Variants in BLTP3A observed in about 807,000 individuals in gnomAD.
The protein encoded by BLTP3A is bridge-like lipid transfer protein family member 3A, also known as ICBP90 binding protein 1.
chr6:34,859,470 C>T, the BLTP3A span: 2 of 1,614,148 alleles, frequency 1.2e-6, no homozygotes, highest in Non-Finnish European at 1.7e-6. Context: ...CCACCATGGA[C>T]CTCACCAAGG....
At chr6:34,855,621 C>G in the BLTP3A span, 1 of 1,613,434 alleles carries the variant, frequency 6.2e-7, no homozygotes, top group Non-Finnish European at 8.5e-7. Context: ...TTATAGGTGT[C>G]TCTGCCAACA....
the BLTP3A span, chr6:34,836,471 T>G: frequency 1.1e-6 from 1 of 879,994 alleles, no homozygotes; most frequent in African/African-American, 1.7e-5. Flanking sequence ...CTTCCCTTAA[T>G]CACAGGCATT....
At chr6:34,825,307 CT>C in the BLTP3A span, among the ~76,000 whole-genome samples, 645 of 148,168 alleles carry the variant, frequency 4.4e-3, 2 homozygotes, top group African/African-American at 0.014. Flanking sequence ...TTTCTTTTTT[CT>C]TTTTTTTTTC....
the BLTP3A span, chr6:34,859,052 A>G: frequency 6.2e-7 from 1 of 1,614,190 alleles, no homozygotes; most frequent in Admixed American, 1.7e-5. Flanking sequence ...GCAGGCTCAG[A>G]TAGCACTAGC....
At chr6:34,810,738 T>A in the BLTP3A span, among the ~76,000 whole-genome samples, 1 of 152,126 alleles carries the variant, frequency 6.6e-6, no homozygotes, top group East Asian at 1.9e-4. Context: ...CAAAGTGCTG[T>A]GAGTACAGGT....
At chr6:34,834,666 C>CTTCTTGGTTAAT in the BLTP3A span, 1 of 1,588,184 alleles carries the variant, frequency 6.3e-7, no homozygotes, top group Non-Finnish European at 8.6e-7. Context: ...GGACTTCTTG[C>CTTCTTGGTTAAT]TTCTTGGTTA....
chr6:34,826,026 A>ATTCTTTTT, the BLTP3A span, among the ~76,000 whole-genome samples: 5 of 76,646 alleles, frequency 6.5e-5, no homozygotes, highest in African/African-American at 7.4e-5. Context: ...TACATTTTGC[A>ATTCTTTTT]TTTTTTTTTT....
At chr6:34,869,812 T>C in the BLTP3A span, among the ~76,000 whole-genome samples, 1 of 151,950 alleles carries the variant, frequency 6.6e-6, no homozygotes, top group South Asian at 2.1e-4. Flanking sequence ...CCACCACGCC[T>C]GACTAATTTT....
the BLTP3A span, among the ~76,000 whole-genome samples, chr6:34,803,856 G>A: frequency 1.3e-5 from 2 of 151,924 alleles, no homozygotes; most frequent in Admixed American, 6.6e-5. Context: ...CATCTGTCTC[G>A]GTGCTTTCCT....
chr6:34,799,349 G>T, the BLTP3A span, among the ~76,000 whole-genome samples: 1 of 152,098 alleles, frequency 6.6e-6, no homozygotes, highest in African/African-American at 2.4e-5. Flanking sequence ...AAATAGCCAG[G>T]CATGGTGGTT....
the BLTP3A span, chr6:34,872,189 A>G: frequency 2.5e-6 from 3 of 1,193,750 alleles, no homozygotes; most frequent in African/African-American, 3.1e-5. Context: ...AGATATGGTT[A>G]TCTTAATCAT....
chr6:34,820,670 GC>G, the BLTP3A span, among the ~76,000 whole-genome samples: 3 of 148,212 alleles, frequency 2.0e-5, no homozygotes, highest in Non-Finnish European at 4.5e-5. Flanking sequence ...TTATCTAGTT[GC>G]TCTGTCTGGT....
the BLTP3A span, among the ~76,000 whole-genome samples, chr6:34,800,476 T>C: frequency 6.6e-6 from 1 of 152,114 alleles, no homozygotes; most frequent in Admixed American, 6.5e-5. Flanking sequence ...AACCTTAGAC[T>C]TGGGGAGTAA....
chr6:34,834,733 A>C, the BLTP3A span: 1 of 1,613,792 alleles, frequency 6.2e-7, no homozygotes, highest in Non-Finnish European at 8.5e-7. Flanking sequence ...TTTAACATTT[A>C]AGGAAATAAC....
chr6:34,853,980 T>C, the BLTP3A span, among the ~76,000 whole-genome samples: 1 of 152,134 alleles, frequency 6.6e-6, no homozygotes, highest in Non-Finnish European at 1.5e-5. Flanking sequence ...TCCCTGCACT[T>C]TGGGGGGCCG....
chr6:34,854,590 G>A, the BLTP3A span, among the ~76,000 whole-genome samples: 1 of 152,142 alleles, frequency 6.6e-6, no homozygotes, highest in African/African-American at 2.4e-5. Flanking sequence ...CATGGAGAGA[G>A]GGCAGTTAGG....
chr6:34,844,842 A>G, the BLTP3A span, among the ~76,000 whole-genome samples: 1 of 152,076 alleles, frequency 6.6e-6, no homozygotes, highest in South Asian at 2.1e-4. Flanking sequence ...TTCTGTGCAG[A>G]GGCTTTTTAA....
At chr6:34,851,884 T>C in the BLTP3A span, among the ~76,000 whole-genome samples, 1 of 152,112 alleles carries the variant, frequency 6.6e-6, no homozygotes, top group African/African-American at 2.4e-5. Flanking sequence ...CAGAAGGAAT[T>C]TCTCTCCAGG....
the BLTP3A span, among the ~76,000 whole-genome samples, chr6:34,819,264 A>G: frequency 6.7e-6 from 1 of 150,320 alleles, no homozygotes; most frequent in Non-Finnish European, 1.5e-5. Context: ...CTAACTCGTC[A>G]TCTAGCATTA....
Sources: allele counts gnomAD v4.1 joint callset (sites outside exome capture counted in the v4.1 genomes callset), GRCh38; gene constraint gnomAD v4.1.1; transcripts MANE v1.5; gene names NCBI Gene and HGNC (gene_info 2026-07-23, HGNC 2026-07-21).